The following PHACTR1 variants were observed in gnomAD, a reference collection of about 807,000 sequenced individuals.
PHACTR1 encodes the protein phosphatase and actin regulator 1, also known as RPEL repeat containing 1.
In PHACTR1, 16 loss-of-function variants were observed where a neutral mutation model predicts 69.2. The observed-to-expected ratio is 0.23, with a 90% CI of 0.16 to 0.35. PHACTR1 has a LOEUF of 0.35. PHACTR1 is among the 10% of genes least tolerant of loss of function. The pLI is 1.00. For missense variants in PHACTR1, 510 were observed against 734.7 expected (o/e 0.69, Z 3.54); for synonymous variants, 312 against 284.5 (o/e 1.10, Z -0.97).
intron 4 of PHACTR1, among the ~76,000 whole-genome samples, chr6:12,840,972 A>T (rs1212967462): frequency 3.9e-5 from 6 of 152,218 alleles, no homozygotes; most frequent in Non-Finnish European, 7.3e-5. Context: ...CTGGGGCACA[A>T]CCTTAAATAG....
At chr6:13,046,570 T>C (rs575088216) in intron 4 of PHACTR1, among the ~76,000 whole-genome samples, 1 of 152,286 alleles carries the variant, frequency 6.6e-6, no homozygotes, top group East Asian at 1.9e-4. Flanking sequence ...ATCGTGTCTG[T>C]GTTTAATAGC....
chr6:13,235,951 A>G (rs1771927230), intron 10 of PHACTR1, among the ~76,000 whole-genome samples: 1 of 152,242 alleles, frequency 6.6e-6, no homozygotes, highest in Non-Finnish European at 1.5e-5. Flanking sequence ...GCCTCACCAT[A>G]TACACAGGAG....
intron 3 of PHACTR1, among the ~76,000 whole-genome samples, chr6:12,727,330 C>G (rs2127565848): frequency 6.6e-6 from 1 of 152,344 alleles, no homozygotes; most frequent in African/African-American, 2.4e-5. Flanking sequence ...CCCTCCTGTT[C>G]TGGAGTGTGC....
At chr6:13,168,682 G>A (rs1256507258) in intron 6 of PHACTR1, among the ~76,000 whole-genome samples, 2 of 152,138 alleles carry the variant, frequency 1.3e-5, no homozygotes, top group African/African-American at 4.8e-5. Flanking sequence ...GGAAGGAGTG[G>A]TATCTTAGAG....
chr6:13,003,203 C>A (rs372305844), intron 4 of PHACTR1, among the ~76,000 whole-genome samples: 1 of 152,140 alleles, frequency 6.6e-6, no homozygotes, highest in South Asian at 2.1e-4. Flanking sequence ...TAAACTATTT[C>A]TGTGCATTAG....
intron 4 of PHACTR1, among the ~76,000 whole-genome samples, chr6:12,981,480 G>C (rs1248821996): frequency 6.6e-6 from 1 of 152,198 alleles, no homozygotes; most frequent in Non-Finnish European, 1.5e-5. Flanking sequence ...TGAACAATCT[G>C]AGAAAATCTC....
chr6:12,719,703 T>C (rs1761861194), intron 3 of PHACTR1, among the ~76,000 whole-genome samples: 1 of 152,188 alleles, frequency 6.6e-6, no homozygotes, highest in Admixed American at 6.5e-5. Context: ...GCAGTCAGTT[T>C]TTATAATTCT....
intron 5 of PHACTR1, among the ~76,000 whole-genome samples, chr6:13,080,965 A>G (rs908304655): frequency 2.0e-5 from 3 of 152,230 alleles, no homozygotes; most frequent in Non-Finnish European, 2.9e-5. Context: ...GGAAAAATAC[A>G]GCAAGCACTT....
intron 3 of PHACTR1, among the ~76,000 whole-genome samples, chr6:12,743,189 GAAA>G (rs56962574): frequency 8.8e-5 from 12 of 136,756 alleles, no homozygotes; most frequent in African/African-American, 2.2e-4. Context: ...TAAATTGCAG[GAAA>G]AAAAAAAAAA....
At chr6:12,741,397 T>A (rs1214431106) in intron 3 of PHACTR1, among the ~76,000 whole-genome samples, 3 of 152,124 alleles carry the variant, frequency 2.0e-5, no homozygotes, top group Non-Finnish European at 4.4e-5. Flanking sequence ...AATTTTATTA[T>A]TAACCTTTCA....
At chr6:12,790,691 C>G (rs1030746239) in intron 4 of PHACTR1, among the ~76,000 whole-genome samples, 3 of 152,134 alleles carry the variant, frequency 2.0e-5, no homozygotes, top group African/African-American at 7.2e-5. Context: ...ATTAGAAGTA[C>G]ATAGGATGGA....
intron 4 of PHACTR1, among the ~76,000 whole-genome samples, chr6:12,963,493 A>T (rs79817601): frequency 6.6e-6 from 1 of 152,142 alleles, no homozygotes; most frequent in Non-Finnish European, 1.5e-5. Flanking sequence ...GGTGAAAAAA[A>T]TATATTAGGA....
intron 4 of PHACTR1, among the ~76,000 whole-genome samples, chr6:12,877,809 C>T (rs1018453042): frequency 4.6e-5 from 7 of 152,178 alleles, no homozygotes; most frequent in South Asian, 2.1e-4. Flanking sequence ...CTGCACTGTG[C>T]GCTCACCTTC....
chr6:13,250,695 A>C (rs1584230300), intron 10 of PHACTR1, among the ~76,000 whole-genome samples: 1 of 152,354 alleles, frequency 6.6e-6, no homozygotes, highest in East Asian at 1.9e-4. Flanking sequence ...CTGTTTTTGC[A>C]GCTGAAGCTA....
chr6:12,883,394 T>A (rs1783298003), intron 4 of PHACTR1, among the ~76,000 whole-genome samples: 1 of 152,030 alleles, frequency 6.6e-6, no homozygotes, highest in Non-Finnish European at 1.5e-5. Context: ...TTTGTATTTG[T>A]AGCAGAGAGA....
chr6:13,042,452 C>T lies in PHACTR1; in HGVS notation c.251-10913C>T, dbSNP rs543111592. On this transcript the variant is annotated intron_variant, in intron 4 of 14. Transcript: ENST00000332995. Reference sequence around the variant, plus strand: ...AGGGTTCATTAGGAATACTGCAGGCCTCAAAAGAGTGATTCTCAGAACACT... The same window carrying T: ...AGGGTTCATTAGGAATACTGCAGGCTTCAAAAGAGTGATTCTCAGAACACT... Among the ~76,000 whole-genome samples, 124 of 152,218 alleles carry T rather than the reference C, an allele frequency of 8.1e-4. No individual in the cohort carries two copies. In the Middle Eastern group the frequency reaches 0.01, roughly 13 times the overall value.
rs78487123 is a variant in PHACTR1 at position 12,828,158 on chromosome 6, G to A, written c.250+78368G>A. 9.6e-3 allele frequency among the ~76,000 whole-genome samples: 1,455 copies of A among 152,178 alleles called. 35 individuals carry two copies. Among genetic ancestry groups the A allele is most frequent in the African/African-American group, 0.033 (1,388 of 41,518 alleles). ...AGTTGTCACTCTGTGATTTTGCTGC[G>A]TATGAGGCCAATGCATCAAAAGGAT... On this transcript the variant is annotated intron_variant, in intron 4 of 14. Coordinates refer to ENST00000332995, the MANE Select transcript of PHACTR1 (RefSeq NM_030948.6).
intron 4 of PHACTR1, among the ~76,000 whole-genome samples, chr6:12,939,080 A>G (rs1158481158): frequency 1.3e-5 from 2 of 152,240 alleles, no homozygotes; most frequent in African/African-American, 4.8e-5. Flanking sequence ...GCTTTTCTGA[A>G]CAAAGATAAA....
intron 4 of PHACTR1, among the ~76,000 whole-genome samples, chr6:12,830,276 A>G (rs907488458): frequency 6.6e-6 from 1 of 151,962 alleles, no homozygotes; most frequent in African/African-American, 2.4e-5. Context: ...CTGAGTTCCC[A>G]GACTCTTACT....
Sources: allele counts gnomAD v4.1 joint callset (sites outside exome capture counted in the v4.1 genomes callset), GRCh38; gene constraint gnomAD v4.1.1; transcripts MANE v1.5; gene names NCBI Gene and HGNC (gene_info 2026-07-23, HGNC 2026-07-21).